The following PCDH9 variants were observed in gnomAD, a reference collection of about 807,000 sequenced individuals.
The protein encoded by PCDH9 is protocadherin 9.
PCDH9 carries 24 observed loss-of-function variants against 70.6 expected under a neutral mutation model. The observed-to-expected ratio is 0.34, with a 90% CI of 0.25 to 0.48. The LOEUF (loss-of-function observed/expected upper bound fraction) is 0.48, where lower values mean the gene tolerates loss of function less well. Among genes scored for constraint, PCDH9 ranks in the 20% least tolerant of loss-of-function variants. The probability of loss-of-function intolerance (pLI) is 0.99; values close to 1 mark genes in which losing one functional copy is unlikely to be tolerated. For missense variants in PCDH9, 1,281 were observed against 1,503.6 expected (o/e 0.85, Z 2.45); for synonymous variants, 562 against 558.5 (o/e 1.01, Z -0.09).
chr13:67,036,120 A>C (rs1475503534), intron 2 of PCDH9, among the ~76,000 whole-genome samples: 1 of 152,228 alleles, frequency 6.6e-6, no homozygotes, highest in Non-Finnish European at 1.5e-5. Flanking sequence ...TCTAAATCTT[A>C]AAAGACAAAC....
At chr13:66,662,660 G>A (rs1265673844) in intron 3 of PCDH9, among the ~76,000 whole-genome samples, 1 of 152,172 alleles carries the variant, frequency 6.6e-6, no homozygotes, top group African/African-American at 2.4e-5. Flanking sequence ...GTTATGTGGG[G>A]AAACAATGGA....
At chr13:66,716,271 T>C (rs564740021) in intron 3 of PCDH9, among the ~76,000 whole-genome samples, 2 of 152,336 alleles carry the variant, frequency 1.3e-5, no homozygotes, top group African/African-American at 4.8e-5. Flanking sequence ...GCAGAAATTC[T>C]GGGTTACTTG....
intron 2 of PCDH9, among the ~76,000 whole-genome samples, chr13:66,934,558 G>GAAAAAGAAAAAGAAAAAAA (rs752213385): frequency 7.4e-6 from 1 of 134,818 alleles, no homozygotes. Context: ...AAAAAAAAAA[G>GAAAAAGAAAAAGAAAAAAA]AAAAAGAAAA....
At chr13:66,322,593 C>G (rs951170646) in intron 4 of PCDH9, among the ~76,000 whole-genome samples, 1 of 152,020 alleles carries the variant, frequency 6.6e-6, no homozygotes, top group African/African-American at 2.4e-5. Context: ...CACATTGCCT[C>G]TGTTTATTTA....
intron 2 of PCDH9, among the ~76,000 whole-genome samples, chr13:67,089,203 GT>G (rs1191489613): frequency 6.6e-6 from 1 of 151,976 alleles, no homozygotes; most frequent in Non-Finnish European, 1.5e-5. Flanking sequence ...TGTAGGGGAT[GT>G]TTAATTAGAG....
At chr13:66,473,631 G>C (rs1958662433) in intron 4 of PCDH9, among the ~76,000 whole-genome samples, 1 of 151,998 alleles carries the variant, frequency 6.6e-6, no homozygotes, top group Admixed American at 6.6e-5. Context: ...AGCCCTTCAG[G>C]ATCACTTTGT....
intron 4 of PCDH9, among the ~76,000 whole-genome samples, chr13:66,557,489 A>G (rs894973835): frequency 6.6e-6 from 1 of 152,220 alleles, no homozygotes; most frequent in African/African-American, 2.4e-5. Flanking sequence ...AAAACTTCAG[A>G]GAAACATATG....
chr13:67,066,721 T>A (rs981672561), intron 2 of PCDH9, among the ~76,000 whole-genome samples: 1 of 152,180 alleles, frequency 6.6e-6, no homozygotes, highest in African/African-American at 2.4e-5. Context: ...TTATCAGTGT[T>A]TTTCTTACTG....
At chr13:66,599,767 C>A (rs1333060360) in intron 4 of PCDH9, among the ~76,000 whole-genome samples, 1 of 151,732 alleles carries the variant, frequency 6.6e-6, no homozygotes, top group Non-Finnish European at 1.5e-5. Flanking sequence ...TGAGATTGTA[C>A]TCTTTTTAAT....
intron 4 of PCDH9, among the ~76,000 whole-genome samples, chr13:66,520,848 C>G (rs2138608667): frequency 6.6e-6 from 1 of 152,194 alleles, no homozygotes; most frequent in African/African-American, 2.4e-5. Flanking sequence ...CCTTGTCTTC[C>G]AGGACAGAGG....
intron 3 of PCDH9, among the ~76,000 whole-genome samples, chr13:66,847,973 GAGCCATT>G (rs1438518476): frequency 2.0e-5 from 3 of 152,134 alleles, no homozygotes; most frequent in Non-Finnish European, 4.4e-5. Context: ...TTTATAAGAG[GAGCCATT>G]ATGATTATTT....
intron 4 of PCDH9, among the ~76,000 whole-genome samples, chr13:66,401,615 T>C (rs1201212208): frequency 6.6e-6 from 1 of 152,152 alleles, no homozygotes; most frequent in African/African-American, 2.4e-5. Context: ...AAATGAAAAC[T>C]GGCCCTCACT....
At chr13:66,583,161 T>C (rs1241534258) in intron 4 of PCDH9, among the ~76,000 whole-genome samples, 1 of 151,856 alleles carries the variant, frequency 6.6e-6, no homozygotes, top group African/African-American at 2.4e-5. Context: ...TTGCATAATG[T>C]GATTAAAGAA....
intron 4 of PCDH9, among the ~76,000 whole-genome samples, chr13:66,558,394 G>C (rs1308656110): frequency 6.6e-6 from 1 of 151,938 alleles, no homozygotes; most frequent in African/African-American, 2.4e-5. Context: ...GTGCTGTCTT[G>C]TAAGGAGGTG....
chr13:66,671,026 G>A (rs1332347494), intron 3 of PCDH9, among the ~76,000 whole-genome samples: 1 of 151,890 alleles, frequency 6.6e-6, no homozygotes, highest in East Asian at 1.9e-4. Context: ...CTGTTGGGAG[G>A]TAATTGAATC....
intron 2 of PCDH9, among the ~76,000 whole-genome samples, chr13:66,973,349 G>A (rs2083558417): frequency 6.6e-6 from 1 of 151,842 alleles, no homozygotes; most frequent in Admixed American, 6.6e-5. Context: ...AACATAAGTT[G>A]ATACAAGCAA....
At chr13:66,602,616 T>TA (rs1431538050) in intron 4 of PCDH9, among the ~76,000 whole-genome samples, 2 of 12,684 alleles carry the variant, frequency 1.6e-4, no homozygotes, top group Non-Finnish European at 5.3e-3. Context: ...TCAAAAATTT[T>TA]TAAAAGTAAA....
At chr13:66,678,900 A>G (rs1355137657) in intron 3 of PCDH9, among the ~76,000 whole-genome samples, 1 of 151,702 alleles carries the variant, frequency 6.6e-6, no homozygotes, top group African/African-American at 2.4e-5. Flanking sequence ...TCTAGTGAAC[A>G]CTCAAAAGAA....
intron 2 of PCDH9, among the ~76,000 whole-genome samples, chr13:67,155,967 T>C (rs1178781930): frequency 1.3e-5 from 2 of 152,108 alleles, no homozygotes; most frequent in Non-Finnish European, 2.9e-5. Context: ...GATTCTCACA[T>C]TGCTGGCCAA....
Sources: allele counts gnomAD v4.1 joint callset (sites outside exome capture counted in the v4.1 genomes callset), GRCh38; gene constraint gnomAD v4.1.1; transcripts MANE v1.5; gene names NCBI Gene and HGNC (gene_info 2026-07-23, HGNC 2026-07-21).